The following CSNK1G1 variants were observed in gnomAD, a reference collection of about 807,000 sequenced individuals.
CSNK1G1 encodes casein kinase I isoform gamma-1.
In CSNK1G1, 22 loss-of-function variants were observed where a neutral mutation model predicts 59.6. The observed-to-expected ratio is 0.37, with a 90% CI of 0.26 to 0.53. The LOEUF is 0.53. Among genes scored for constraint, CSNK1G1 ranks in the 20% least tolerant of loss-of-function variants. CSNK1G1 has a pLI of 0.89. For synonymous variants in CSNK1G1, 179 were observed against 177.1 expected, an observed-to-expected ratio of 1.01 and a Z score of -0.08; for missense variants, 384 against 519.5, an observed-to-expected ratio of 0.74 and a Z score of 2.54.
chr15:64,323,096 CTTTTTTCT>C (rs1421484772), intron 1 of CSNK1G1, among the ~76,000 whole-genome samples: 1 of 151,832 alleles, frequency 6.6e-6, no homozygotes, highest in Non-Finnish European at 1.5e-5. Context: ...CTAATTTTTC[CTTTTTTCT>C]TTTTAAAAAA....
At chr15:64,322,822 A>G (rs186285819) in intron 1 of CSNK1G1, among the ~76,000 whole-genome samples, 1 of 152,292 alleles carries the variant, frequency 6.6e-6, no homozygotes, top group Non-Finnish European at 1.5e-5. Flanking sequence ...CCTATCTCAA[A>G]AACTAAATAA....
intron 1 of CSNK1G1, among the ~76,000 whole-genome samples, chr15:64,326,715 A>G (rs796102895): frequency 6.8e-6 from 1 of 146,990 alleles, no homozygotes; most frequent in African/African-American, 2.6e-5. Flanking sequence ...AGCTTCCAGC[A>G]TGAGCGACGC....
intron 4 of CSNK1G1, among the ~76,000 whole-genome samples, chr15:64,238,510 A>ATAT: frequency 8.6e-6 from 1 of 116,266 alleles, no homozygotes; most frequent in African/African-American, 4.1e-5. Context: ...AAAAAAAAAA[A>ATAT]AAAAAAAAAT....
chr15:64,283,665 T>C (rs1249308908), intron 2 of CSNK1G1, among the ~76,000 whole-genome samples: 1 of 152,092 alleles, frequency 6.6e-6, no homozygotes, highest in African/African-American at 2.4e-5. Flanking sequence ...TGTATTTTAG[T>C]AGAGACGGGG....
At chr15:64,251,933 G>T (rs944023842) in intron 3 of CSNK1G1, among the ~76,000 whole-genome samples, 15 of 152,032 alleles carry the variant, frequency 9.9e-5, no homozygotes, top group Non-Finnish European at 1.3e-4. Context: ...TGCTTGTTTT[G>T]TTCAGAATTT....
At chr15:64,232,455 A>G (rs1287960107) in intron 4 of CSNK1G1, among the ~76,000 whole-genome samples, 1 of 152,252 alleles carries the variant, frequency 6.6e-6, no homozygotes, top group Non-Finnish European at 1.5e-5. Flanking sequence ...GATACTGGAA[A>G]GGAACTAGTT....
At chr15:64,222,732 A>G (rs948647632) in intron 4 of CSNK1G1, among the ~76,000 whole-genome samples, 5 of 151,886 alleles carry the variant, frequency 3.3e-5, no homozygotes, top group African/African-American at 1.2e-4. Context: ...CTACTGAGTC[A>G]GAATTTCTAG....
chr15:64,193,491 C>CAAAA lies in CSNK1G1; in HGVS notation c.1107+9587_1107+9590dup, dbSNP rs10631811. Among the ~76,000 whole-genome samples the CAAAA allele has an allele frequency of 2.6e-3, 348 of 131,932 alleles. 30 individuals carry two copies. The highest frequency in any genetic ancestry group is 8.9e-3 in the East Asian group (42 of 4,740). The allele number at this position is 131,932 out of a possible 152,430, so 86.6% of individuals were successfully genotyped here. On this transcript the variant is annotated intron_variant, in intron 10 of 11. Transcript: ENST00000303052. Reference sequence around the variant, plus strand: ...TGGGCAACAGAGTGAGACTCTGTCTCAAAAAAAAAAAAGTATATACTTGAA... The same window carrying CAAAA: ...TGGGCAACAGAGTGAGACTCTGTCTCAAAAAAAAAAAAAAAAGTATATACTTGAA...
In CSNK1G1 at chr15:64,180,240, G is replaced by C. The variant is rs1482926888; in HGVS notation, c.1214+108C>G. 7.5e-6 allele frequency: 6 copies of C among 803,086 alleles called. No individual in the cohort carries two copies. The Admixed American group carries it at 1.0e-4, about 14-fold the overall frequency. The allele number at this position is 803,086 out of a possible 1,614,324, so 49.7% of individuals were successfully genotyped here. ...AAAACAGTTAAGGAAGAAAGCTGTG[G>C]TTACAAGCATGAGAAATCCAGTCTG... is the stretch of plus-strand genomic sequence containing the variant. On this transcript the variant is annotated intron_variant, in intron 11 of 11. Transcript: ENST00000303052.
At chr15:64,252,602 C>A (rs949984432) in intron 3 of CSNK1G1, among the ~76,000 whole-genome samples, 1 of 152,054 alleles carries the variant, frequency 6.6e-6, no homozygotes, top group Non-Finnish European at 1.5e-5. Flanking sequence ...TTTTTGGACA[C>A]GTGAACTGTT....
rs141253374 is a variant in CSNK1G1, at chr15:64,339,769, C to T, written c.-225+16219G>A. Among the ~76,000 whole-genome samples the T allele has an allele frequency of 3.4e-3, 516 of 152,346 alleles. 4 individuals carry two copies. The highest frequency in any genetic ancestry group is 0.012 in the African/African-American group (500 of 41,588). ...GACAACTGTCAGAGGACAAATTGCA[C>T]AAGGCCTTAAATACGAATATTAAAT... On this transcript the variant is annotated intron_variant, in intron 1 of 11. Coordinates refer to ENST00000303052, the MANE Select transcript of CSNK1G1 (RefSeq NM_022048.5).
chr15:64,296,509 T>A (rs1291699974), intron 2 of CSNK1G1, among the ~76,000 whole-genome samples: 1 of 152,210 alleles, frequency 6.6e-6, no homozygotes, highest in Non-Finnish European at 1.5e-5. Context: ...AAAAACTATA[T>A]CTTCTTATTT....
At chr15:64,344,470 T>A (rs1897838051) in intron 1 of CSNK1G1, among the ~76,000 whole-genome samples, 1 of 152,180 alleles carries the variant, frequency 6.6e-6, no homozygotes, top group Non-Finnish European at 1.5e-5. Context: ...GTGTGCTCAT[T>A]AAATATAGGC....
chr15:64,254,152 C>T (rs997277952), intron 3 of CSNK1G1, among the ~76,000 whole-genome samples: 2 of 148,154 alleles, frequency 1.3e-5, no homozygotes, highest in Non-Finnish European at 3.0e-5. Context: ...AAAAAACAAA[C>T]AATAAAAAAA....
Position 64,356,003 on chromosome 15 carries a change from T to G in CSNK1G1, c.-240A>C, listed in dbSNP as rs569241074. The G allele has an allele frequency of 6.6e-6, 1 of 151,578 alleles. No individual in the cohort carries two copies. Among genetic ancestry groups the G allele is most frequent in the African/African-American group, 2.4e-5 (1 of 41,158 alleles). The allele number at this position is 151,578 out of a possible 1,614,324, so 9.4% of individuals were successfully genotyped here. A position where few individuals can be genotyped will look rare whatever the true frequency, so the allele number is the denominator to read the frequency against. ...GGGCAGATACCTGGTCCAGCAGTGC[T>G]GCAAGGCGCAAATGAGGCGGGCGCG... is the stretch of plus-strand genomic sequence containing the variant. On this transcript the variant is annotated 5_prime_UTR_variant, in exon 1 of 12. Coordinates refer to ENST00000303052, the MANE Select transcript of CSNK1G1 (RefSeq NM_022048.5).
At chr15:64,320,693 A>G (rs1228851353) in intron 1 of CSNK1G1, among the ~76,000 whole-genome samples, 1 of 151,542 alleles carries the variant, frequency 6.6e-6, no homozygotes, top group Non-Finnish European at 1.5e-5. Context: ...AAAAAAAAAA[A>G]AAAGAAAAAA....
At chr15:64,189,664 A>T (rs1414389603) in intron 10 of CSNK1G1, among the ~76,000 whole-genome samples, 1 of 152,178 alleles carries the variant, frequency 6.6e-6, no homozygotes, top group Non-Finnish European at 1.5e-5. Flanking sequence ...TTCTATAAAA[A>T]ACGAAGGGCA....
chr15:64,173,661 C>T (rs2081705045), intron 11 of CSNK1G1, among the ~76,000 whole-genome samples: 1 of 125,832 alleles, frequency 7.9e-6, no homozygotes, highest in South Asian at 2.5e-4. Flanking sequence ...CTCACTCTGT[C>T]GCTCAGGCTG....
intron 2 of CSNK1G1, among the ~76,000 whole-genome samples, chr15:64,293,356 T>C (rs1894844484): frequency 6.6e-6 from 1 of 152,234 alleles, no homozygotes; most frequent in Non-Finnish European, 1.5e-5. Flanking sequence ...TATGTGTAAG[T>C]ATGTTTAACT....
Sources: allele counts gnomAD v4.1 joint callset (sites outside exome capture counted in the v4.1 genomes callset), GRCh38; gene constraint gnomAD v4.1.1; transcripts MANE v1.5; gene names NCBI Gene and HGNC (gene_info 2026-07-23, HGNC 2026-07-21).